The following NRXN3 variants were observed in gnomAD, a reference collection of about 807,000 sequenced individuals.
The protein encoded by NRXN3 is neurexin III.
Under a neutral mutation model 137.6 loss-of-function variants are expected in NRXN3, and 32 were observed. The observed-to-expected ratio is 0.23, with a 90% CI of 0.18 to 0.31. NRXN3 has a LOEUF of 0.31. Among genes scored for constraint, NRXN3 ranks in the 10% least tolerant of loss-of-function variants. The probability of loss-of-function intolerance (pLI) is 1.00; values close to 1 mark genes in which losing one functional copy is unlikely to be tolerated. For synonymous variants in NRXN3, 798 were observed against 784.5 expected (o/e 1.02, Z -0.29); for missense variants, 1,574 against 2,062.5 (o/e 0.76, Z 4.59).
At chr14:78,314,981 TCCTTCCTTTC>T (rs1327263989) in intron 4 of NRXN3, among the ~76,000 whole-genome samples, 2 of 93,858 alleles carry the variant, frequency 2.1e-5, no homozygotes, top group African/African-American at 1.1e-4. Flanking sequence ...CTTCCTTCCT[TCCTTCCTTTC>T]TCTTTCTTTC....
intron 14 of NRXN3, among the ~76,000 whole-genome samples, chr14:78,982,828 A>G (rs1377266425): frequency 3.3e-5 from 5 of 152,208 alleles, no homozygotes; most frequent in African/African-American, 1.2e-4. Flanking sequence ...TCAAGAAAAC[A>G]ATTAATAGAG....
chr14:79,627,652 A>G (rs534521961), intron 16 of NRXN3, among the ~76,000 whole-genome samples: 85 of 152,312 alleles, frequency 5.6e-4, no homozygotes, highest in African/African-American at 1.9e-3. Flanking sequence ...AAAGAACAGG[A>G]TCACATCCAG....
intron 10 of NRXN3, among the ~76,000 whole-genome samples, chr14:78,856,481 A>G (rs1319237498): frequency 6.6e-6 from 1 of 152,224 alleles, no homozygotes; most frequent in African/African-American, 2.4e-5. Context: ...AACTTGAAAT[A>G]GCAATTATTT....
intron 16 of NRXN3, among the ~76,000 whole-genome samples, chr14:79,478,766 T>C (rs749747630): frequency 6.6e-6 from 1 of 152,096 alleles, no homozygotes; most frequent in Admixed American, 6.6e-5. Flanking sequence ...GAGATGGTGA[T>C]TGGAGACCTG....
chr14:79,813,779 C>T (rs561965664), intron 20 of NRXN3, among the ~76,000 whole-genome samples: 1 of 152,260 alleles, frequency 6.6e-6, no homozygotes, highest in East Asian at 1.9e-4. Context: ...GCATGGACCA[C>T]TTGCCTTTAC....
chr14:79,856,808 G>A (rs1330562051), intron 20 of NRXN3, among the ~76,000 whole-genome samples: 4 of 151,996 alleles, frequency 2.6e-5, no homozygotes, highest in Admixed American at 1.3e-4. Context: ...CAAAAAAGCC[G>A]GGAAGCCTTC....
chr14:79,300,098 T>C (rs533359487), intron 15 of NRXN3, among the ~76,000 whole-genome samples: 58 of 152,192 alleles, frequency 3.8e-4, no homozygotes, highest in African/African-American at 1.3e-3. Flanking sequence ...TGCCAAGCAC[T>C]ATGTTGAAGT....
intron 6 of NRXN3, among the ~76,000 whole-genome samples, chr14:78,670,850 G>A (rs963366771): frequency 2.0e-5 from 3 of 152,206 alleles, no homozygotes; most frequent in Admixed American, 2.0e-4. Flanking sequence ...TTGAATGTAG[G>A]TATGCTGGAG....
chr14:78,937,185 G>GAAAAAAAA (rs199876825), intron 10 of NRXN3, among the ~76,000 whole-genome samples: 1 of 98,534 alleles, frequency 1.0e-5, no homozygotes, highest in African/African-American at 3.1e-5. Flanking sequence ...TCGTGCCATT[G>GAAAAAAAA]AAAAAAAAAA....
chr14:78,277,605 C>T (rs2073791552), intron 2 of NRXN3, among the ~76,000 whole-genome samples: 1 of 152,186 alleles, frequency 6.6e-6, no homozygotes, highest in African/African-American at 2.4e-5. Context: ...TTCAGTGATT[C>T]TAAGTGAGCT....
At chr14:79,800,640 T>C (rs1201570040) in intron 19 of NRXN3, among the ~76,000 whole-genome samples, 2 of 152,212 alleles carry the variant, frequency 1.3e-5, no homozygotes, top group Non-Finnish European at 2.9e-5. Context: ...TCTGAGTCTA[T>C]CTGCAACATG....
rs1285524706 is a variant in NRXN3, at chr14:78,536,930, A to G, written c.758-108190A>G. ...CTTCATCCATGTTCCTGCAAAGGAC[A>G]TGAACTCATCCTTTTTTATGGCTGC... On this transcript the variant is annotated intron_variant, in intron 4 of 20. Transcript: ENST00000335750. Among the ~76,000 whole-genome samples, 6 of 152,332 alleles carry G rather than the reference A, an allele frequency of 3.9e-5. No homozygotes were observed. In the East Asian group the frequency reaches 1.2e-3, roughly 29 times the overall value.
At chr14:78,949,633 T>A (rs1418192047) in intron 10 of NRXN3, among the ~76,000 whole-genome samples, 2 of 150,376 alleles carry the variant, frequency 1.3e-5, no homozygotes, top group Non-Finnish European at 3.0e-5. Flanking sequence ...AGGAATAGAG[T>A]GGTCATTTGC....
At chr14:78,648,758 GA>G (rs35059407) in intron 5 of NRXN3, among the ~76,000 whole-genome samples, 2 of 152,128 alleles carry the variant, frequency 1.3e-5, no homozygotes, top group Admixed American at 6.5e-5. Context: ...AGTCAGATGT[GA>G]AAAAAGTAAA....
At chr14:78,899,337 A>G (rs2099188187) in intron 10 of NRXN3, among the ~76,000 whole-genome samples, 1 of 151,946 alleles carries the variant, frequency 6.6e-6, no homozygotes, top group Non-Finnish European at 1.5e-5. Context: ...GTTTTCTCCA[A>G]TCCTAAGCCC....
At chr14:79,174,563 C>T (rs1022600931) in intron 15 of NRXN3, among the ~76,000 whole-genome samples, 6 of 146,258 alleles carry the variant, frequency 4.1e-5, no homozygotes, top group African/African-American at 1.2e-4. Flanking sequence ...AATTATGAGA[C>T]TCTCATAGAA....
intron 10 of NRXN3, among the ~76,000 whole-genome samples, chr14:78,828,253 T>G (rs2098972498): frequency 6.6e-6 from 1 of 152,188 alleles, no homozygotes; most frequent in Non-Finnish European, 1.5e-5. Flanking sequence ...CACACTCTCT[T>G]TTGGAGAGAA....
chr14:78,335,014 C>A (rs907106578), intron 4 of NRXN3, among the ~76,000 whole-genome samples: 1 of 152,082 alleles, frequency 6.6e-6, no homozygotes, highest in Non-Finnish European at 1.5e-5. Context: ...ACAGGGGATA[C>A]CCCTCACTTC....
In NRXN3 at chr14:78,838,682, C is replaced by T. The variant is rs748906787; in HGVS notation, c.2275+28338C>T. ...AGGATCACATTCTAGTAGTTTTGGC[C>T]AAGGAGAGTAAAGGAAAAGCTTGTC... is the stretch of plus-strand genomic sequence containing the variant. On this transcript the variant is annotated intron_variant, in intron 10 of 20. Transcript: ENST00000335750. Among the ~76,000 whole-genome samples, 103 of 152,194 alleles carry T rather than the reference C, an allele frequency of 6.8e-4. 1 individual carries two copies. The highest frequency in any genetic ancestry group is 1.3e-3 in the Non-Finnish European group (88 of 68,018).
Sources: allele counts gnomAD v4.1 joint callset (sites outside exome capture counted in the v4.1 genomes callset), GRCh38; gene constraint gnomAD v4.1.1; transcripts MANE v1.5; gene names NCBI Gene and HGNC (gene_info 2026-07-23, HGNC 2026-07-21).